Variants in NRDC observed in about 807,000 individuals in gnomAD.
NRDC encodes the protein nardilysin convertase.
In NRDC, 54 loss-of-function variants were observed where a neutral mutation model predicts 147.1. The observed-to-expected ratio is 0.37, with a 90% CI of 0.29 to 0.46. The LOEUF (loss-of-function observed/expected upper bound fraction) is 0.46, where lower values mean the gene tolerates loss of function less well. Ranked by LOEUF, NRDC falls within the 20% of genes least tolerant of loss-of-function variation. The pLI is 1.00. For synonymous variants in NRDC, 440 were observed against 482.1 expected (o/e 0.91, Z 1.14); for missense variants, 1,082 against 1,370.6 (o/e 0.79, Z 3.33).
chr1:51,821,079 C>A (rs1680187477), intron 8 of NRDC, among the ~76,000 whole-genome samples: 1 of 152,046 alleles, frequency 6.6e-6, no homozygotes, highest in Non-Finnish European at 1.5e-5. Context: ...AAGATTACTT[C>A]TTTTATGGGG....
At chr1:51,819,673 C>A (rs988709981) in intron 9 of NRDC, 127 bp downstream of exon 9, 2 of 716,064 alleles carry the variant, frequency 2.8e-6, no homozygotes, top group Non-Finnish European at 4.7e-6. Flanking sequence ...TGCCCATCTA[C>A]TTCCTTTCCA....
intron 20 of NRDC, among the ~76,000 whole-genome samples, chr1:51,802,447 T>C (rs1282218399): frequency 1.3e-5 from 2 of 152,200 alleles, no homozygotes; most frequent in African/African-American, 2.4e-5. Context: ...TACTTTTCCA[T>C]GGTTTGTATT....
Position 51,876,252 on chromosome 1 carries a change from T to C in NRDC, c.341+2023A>G, listed in dbSNP as rs74977867. On this transcript the variant is annotated intron_variant, in intron 1 of 30. Transcript: ENST00000352171. ...TTATCAAGTTTTCAACTTGCTCATT[T>C]ATACATTGCCAATACAGGTTGAGTA... Among the ~76,000 whole-genome samples, 1,174 of 152,334 alleles carry C rather than the reference T, an allele frequency of 7.7e-3. 15 individuals carry two copies. Among genetic ancestry groups the C allele is most frequent in the African/African-American group, 0.027 (1,130 of 41,566 alleles).
At position 51,877,995 on chromosome 1, in the gene NRDC, G is replaced by A. The variant is rs993664512; in HGVS notation, c.341+280C>T. The A allele has an allele frequency of 3.9e-6, 5 of 1,283,706 alleles. No individual in the cohort carries two copies. The East Asian group carries it at 1.7e-4, about 44-fold the overall frequency. The allele number at this position is 1,283,706 out of a possible 1,614,324, so 79.5% of individuals were successfully genotyped here. ...AAGACTCCCTCACCATTCAGGCTGC[G>A]TTCCTCAAAGAAACCTTCATTCTTG... is the stretch of plus-strand genomic sequence containing the variant. On this transcript the variant is annotated intron_variant, in intron 1 of 30. Transcript: ENST00000352171.
At chr1:51,849,941 G>A (rs1205435858) in intron 1 of NRDC, among the ~76,000 whole-genome samples, 2 of 151,252 alleles carry the variant, frequency 1.3e-5, no homozygotes, top group African/African-American at 4.9e-5. Flanking sequence ...CACTTTGGGA[G>A]GCTAAGGCAG....
chr1:51,794,469 G>A lies in NRDC; in HGVS notation c.2775+3C>T. The A allele has an allele frequency of 6.2e-7, 1 of 1,614,000 alleles. No individual in the cohort carries two copies. The highest frequency in any genetic ancestry group is 8.5e-7 in the Non-Finnish European group (1 of 1,179,912). ...CCGCCAGTCTTTAGTACACCCAACT[G>A]ACCTGGTAGTACACAGTGACTTCAG... On this transcript the variant is annotated splice_donor_region_variant and intron_variant, in intron 24 of 30. Coordinates refer to ENST00000352171, the MANE Select transcript of NRDC (RefSeq NM_001101662.2).
At position 51,816,375 on chromosome 1, in the gene NRDC, T is replaced by C. The variant is rs1252156824; in HGVS notation, c.1376A>G (p.His459Arg). ...ATGTCCAACCAGCCAGGATATATAA[T>C]GAAGTGGCTTCACCCTTTTAAAAAA... ...QQQHYRVKPLHYISWLVGHEG... is the reference protein window; with the variant it reads ...QQQHYRVKPLRYISWLVGHEG... The change falls in exon 11 of 31, where the codon CAT (histidine) becomes CGT (arginine). Residue 459 changes from histidine to arginine, a missense_variant. This residue lies in a region of NRDC where 635 missense variants were observed against 923.8 expected (regional missense o/e 0.69). Coordinates refer to ENST00000352171, the MANE Select transcript of NRDC (RefSeq NM_001101662.2). 3 of 1,599,278 alleles carry C rather than the reference T, an allele frequency of 1.9e-6. 1 individual carries two copies. In the South Asian group the frequency reaches 3.4e-5, roughly 18 times the overall value.
At chr1:51,799,752 TAGTA>T (rs1679100252) in intron 21 of NRDC, among the ~76,000 whole-genome samples, 1 of 152,094 alleles carries the variant, frequency 6.6e-6, no homozygotes, top group Non-Finnish European at 1.5e-5. Context: ...TGGACTAAAG[TAGTA>T]AGAACAGGCT....
At chr1:51,806,771 G>A (rs770471001) in intron 18 of NRDC, 23 bp downstream of exon 18, 2 of 1,607,884 alleles carry the variant, frequency 1.2e-6, no homozygotes, top group Non-Finnish European at 1.7e-6. Context: ...CAGCAGGGAA[G>A]TAACAGGAGG....
At chr1:51,811,015 T>C (rs1679690537) in intron 15 of NRDC, among the ~76,000 whole-genome samples, 1 of 152,136 alleles carries the variant, frequency 6.6e-6, no homozygotes, top group Admixed American at 6.6e-5. Flanking sequence ...CCAGCTACAA[T>C]AAGGACTAAA....
In NRDC at chr1:51,790,582, C is replaced by T. The variant is rs1678574575; in HGVS notation, c.3119G>A (p.Trp1040Ter). Reference protein sequence around the residue: ...THLGEEVDRNWNEVVTQQYLF... With the variant: ...THLGEEVDRN ...GTACTGCTGTGTAACCACTTCATTCCAGTTCCTATCCACCTCCTCCCCAAG... is the reference window on the plus strand; with the variant it reads ...GTACTGCTGTGTAACCACTTCATTCTAGTTCCTATCCACCTCCTCCCCAAG... The change falls in exon 29 of 31, where the codon TGG becomes TAG. Residue 1040 changes from tryptophan to a stop codon, truncating the protein, a stop_gained. Transcript: ENST00000352171. LOFTEE classifies it high-confidence loss of function. 4 of 1,614,062 alleles carry T rather than the reference C, an allele frequency of 2.5e-6. No homozygotes were observed. Among genetic ancestry groups the T allele is most frequent in the Non-Finnish European group, 3.4e-6 (4 of 1,179,930 alleles).
At chr1:51,793,326 A>G (rs1678739539) in intron 24 of NRDC, among the ~76,000 whole-genome samples, 1 of 152,244 alleles carries the variant, frequency 6.6e-6, no homozygotes, top group African/African-American at 2.4e-5. Context: ...CTGAAAATGT[A>G]GACTAGGTTA....
At chr1:51,819,072 C>A (rs1212838684) in intron 9 of NRDC, among the ~76,000 whole-genome samples, 2 of 152,136 alleles carry the variant, frequency 1.3e-5, no homozygotes, top group African/African-American at 4.8e-5. Context: ...GAGGCGAAGG[C>A]AGGCGGATCA....
intron 1 of NRDC, among the ~76,000 whole-genome samples, chr1:51,841,304 AT>A (rs34124238): frequency 9.4e-5 from 14 of 149,684 alleles, no homozygotes; most frequent in South Asian, 2.1e-4. Context: ...ATTTACACTA[AT>A]TTTTTTTTTC....
chr1:51,846,879 G>C (rs1300116749), intron 1 of NRDC, among the ~76,000 whole-genome samples: 1 of 152,214 alleles, frequency 6.6e-6, no homozygotes, highest in African/African-American at 2.4e-5. Flanking sequence ...ATGCTGATTG[G>C]TGTGTTTACA....
intron 27 of NRDC, among the ~76,000 whole-genome samples, chr1:51,791,318 T>C (rs995743809): frequency 6.6e-6 from 1 of 152,176 alleles, no homozygotes; most frequent in African/African-American, 2.4e-5. Flanking sequence ...CTTCTTGTCC[T>C]CAGGTCTGCC....
chr1:51,856,464 AC>A (rs1216582615), intron 1 of NRDC, among the ~76,000 whole-genome samples: 1 of 152,186 alleles, frequency 6.6e-6, no homozygotes, highest in African/African-American at 2.4e-5. Context: ...TGGGGTTCCC[AC>A]GACCTCCTCT....
In NRDC at chr1:51,789,866, C is replaced by T. The variant is rs1016970287; in HGVS notation, c.3169-209G>A. On this transcript the variant is annotated intron_variant, in intron 29 of 30. Coordinates refer to ENST00000352171, the MANE Select transcript of NRDC (RefSeq NM_001101662.2). ...ATTTTATACCAATCATCTACAATGG[C>T]AAGAGAGGTTAGCAGATGCTATAAT... The T allele has an allele frequency of 1.9e-5, 11 of 575,510 alleles. No homozygotes were observed. In the Admixed American group the frequency reaches 2.7e-4, roughly 14 times the overall value. The allele number at this position is 575,510 out of a possible 1,614,324, so 35.7% of individuals were successfully genotyped here.
intron 1 of NRDC, among the ~76,000 whole-genome samples, chr1:51,858,738 T>C (rs1433176726): frequency 6.6e-6 from 1 of 152,174 alleles, no homozygotes; most frequent in African/African-American, 2.4e-5. Context: ...TCAGTAATTT[T>C]AGCCAAGAAA....
Sources: gnomAD v4.1 joint callset for allele counts (sites outside exome capture counted in the v4.1 genomes callset) on GRCh38, gnomAD v4.1.1 for gene constraint, gnomAD v4.1.1 regional missense constraint, MANE v1.5 for transcripts, NCBI Gene and HGNC (gene_info 2026-07-23, HGNC 2026-07-21) for gene names.